Variants in DMC1 observed in about 807,000 individuals in gnomAD.
The protein encoded by DMC1 is DNA meiotic recombinase 1, also known as meiotic recombination protein DMC1 homolog.
In DMC1, 27 loss-of-function variants were observed where a neutral mutation model predicts 50.1. The observed-to-expected ratio is 0.54, with a 90% CI of 0.40 to 0.74. DMC1 has a LOEUF of 0.74. Ranked by LOEUF, DMC1 falls within the 30% of genes least tolerant of loss-of-function variation. DMC1 has a pLI of 0.00. For synonymous variants in DMC1, 148 were observed against 136.1 expected, an observed-to-expected ratio of 1.09 and a Z score of -0.61; for missense variants, 295 against 420.2, an observed-to-expected ratio of 0.70 and a Z score of 2.60.
At chr22:38,512,440 C>T in the DMC1 span, among the ~76,000 whole-genome samples, 1 of 152,350 alleles carries the variant, frequency 6.6e-6, no homozygotes, top group Middle Eastern at 3.4e-3. Context: ...GTAGTAGCAT[C>T]TCTGGACTGC....
chr22:38,517,719 A>G (rs2089985873), downstream of DMC1, among the ~76,000 whole-genome samples: 1 of 152,268 alleles, frequency 6.6e-6, no homozygotes, highest in Non-Finnish European at 1.5e-5. Flanking sequence ...TTTGCATACG[A>G]AAATAAGCCA....
At chr22:38,513,469 A>G in the DMC1 span, among the ~76,000 whole-genome samples, 1 of 152,268 alleles carries the variant, frequency 6.6e-6, no homozygotes. Context: ...GGTCAGTTGA[A>G]GGAGTCCTGA....
At chr22:38,568,319 G>T in intron 1 of DMC1, 30 bp from the exon 2 acceptor site, 1 of 1,530,798 alleles carries the variant, frequency 6.5e-7, no homozygotes, top group Non-Finnish European at 9.0e-7. Context: ...TATGTAAGAA[G>T]TAGTCCTTTG....
chr22:38,518,407 CCA>C (rs1282698165), downstream of DMC1, among the ~76,000 whole-genome samples: 1 of 152,158 alleles, frequency 6.6e-6, no homozygotes, highest in Non-Finnish European at 1.5e-5. Flanking sequence ...TGTGTAGGAA[CCA>C]CATTTTCCTT....
At chr22:38,514,031 T>A (rs2089959582), downstream of DMC1, among the ~76,000 whole-genome samples, 1 of 152,124 alleles carries the variant, frequency 6.6e-6, no homozygotes, top group Non-Finnish European at 1.5e-5. Flanking sequence ...GGCAGCAAGA[T>A]CGAGTCCTGA....
intron 7 of DMC1, among the ~76,000 whole-genome samples, chr22:38,552,215 G>C (rs1184036944): frequency 2.0e-5 from 3 of 152,128 alleles, no homozygotes; most frequent in Non-Finnish European, 4.4e-5. Context: ...TCAAAGAAAT[G>C]CACAGTAGTG....
chr22:38,534,411 T>A (rs757855632), intron 12 of DMC1, among the ~76,000 whole-genome samples: 1 of 152,096 alleles, frequency 6.6e-6, no homozygotes, highest in Non-Finnish European at 1.5e-5. Flanking sequence ...CACCAAAAAA[T>A]ACATATACAG....
In DMC1 at chr22:38,555,349, C is replaced by T. The variant is rs1269622846; in HGVS notation, c.379+8G>A. On this transcript the variant is annotated splice_region_variant and intron_variant, in intron 6 of 13. Transcript: ENST00000216024. ...TTTCATTTAACAAAATATTAAGGTT[C>T]TACCTACCTCCAAAAGCTTCTGTAA... 6.3e-7 allele frequency: 1 copy of T among 1,596,476 alleles called. No individual in the cohort carries two copies. The highest frequency in any genetic ancestry group is 1.1e-5 in the South Asian group (1 of 90,678).
the DMC1 span, among the ~76,000 whole-genome samples, chr22:38,511,709 C>T: frequency 1.3e-5 from 2 of 152,066 alleles, no homozygotes; most frequent in Non-Finnish European, 2.9e-5. Flanking sequence ...TCAAGCGATC[C>T]TCACGCCTCA....
intron 12 of DMC1, among the ~76,000 whole-genome samples, chr22:38,526,478 G>T (rs529897933): frequency 7.6e-4 from 115 of 152,198 alleles, no homozygotes; most frequent in Middle Eastern, 3.4e-3. Flanking sequence ...AAAGTGCTGG[G>T]ATTACAGGCG....
At position 38,538,195 on chromosome 22, in the gene DMC1, TA is replaced by T. The variant is rs66487664; in HGVS notation, c.775+99del. ...GTATTCTCATAAAGGTAATTTTATT[TA>T]AAAAAAAATCGCTGCCTCCTGACAT... On this transcript the variant is annotated intron_variant, in intron 11 of 13. Transcript: ENST00000216024. The T allele has an allele frequency of 3.5e-3, 3,244 of 926,374 alleles. 62 individuals carry two copies. The African/African-American group carries it at 0.045, about 13-fold the overall frequency. 57.4% of individuals were successfully genotyped at this position (926,374 alleles called of 1,614,324 possible). A position where few individuals can be genotyped will look rare whatever the true frequency, so the allele number is the denominator to read the frequency against.
rs192208365 is a variant in DMC1 at position 38,568,694 on chromosome 22, A to G, written c.-33-405T>C. ...ACAACAATACTCTAGGAACCTTGAC[A>G]TTATATCATTCTTCCTTGTGTCCTC... On this transcript the variant is annotated intron_variant, in intron 1 of 13. Coordinates refer to ENST00000216024, the MANE Select transcript of DMC1 (RefSeq NM_007068.4). Among the ~76,000 whole-genome samples the G allele has an allele frequency of 5.9e-5, 9 of 152,258 alleles. No homozygotes were observed. The East Asian group carries it at 1.7e-3, about 29-fold the overall frequency.
At chr22:38,540,034 T>A (rs982545583) in intron 8 of DMC1, among the ~76,000 whole-genome samples, 1 of 152,190 alleles carries the variant, frequency 6.6e-6, no homozygotes, top group African/African-American at 2.4e-5. Context: ...AAGAGAAATA[T>A]CGACCAAAGG....
intron 7 of DMC1, among the ~76,000 whole-genome samples, chr22:38,550,362 G>A: frequency 7.4e-6 from 1 of 135,454 alleles, no homozygotes. Flanking sequence ...TCGTCAGGTT[G>A]GAGTGCAGTG....
chr22:38,544,668 C>CA (rs983859130), intron 8 of DMC1, among the ~76,000 whole-genome samples: 3 of 151,858 alleles, frequency 2.0e-5, no homozygotes, highest in African/African-American at 7.3e-5. Context: ...GCTCTGTCCC[C>CA]AGGCTGGAGT....
chr22:38,512,985 G>A, the DMC1 span, among the ~76,000 whole-genome samples: 1 of 152,032 alleles, frequency 6.6e-6, no homozygotes, highest in South Asian at 2.1e-4. Context: ...TCGGGAGGCT[G>A]AGACAGGAGA....
chr22:38,560,028 T>A (rs531842565), intron 5 of DMC1, among the ~76,000 whole-genome samples: 53 of 150,066 alleles, frequency 3.5e-4, no homozygotes, highest in East Asian at 2.3e-3. Flanking sequence ...AAAAAAAAAA[T>A]AAATAAATAA....
At chr22:38,528,947 G>A (rs1274455917) in intron 12 of DMC1, among the ~76,000 whole-genome samples, 3 of 152,114 alleles carry the variant, frequency 2.0e-5, no homozygotes, top group South Asian at 4.1e-4. Flanking sequence ...TTGAGGTGAA[G>A]TACAAGAAGG....
downstream of DMC1, among the ~76,000 whole-genome samples, chr22:38,513,961 T>C (rs1313448356): frequency 6.6e-6 from 1 of 152,194 alleles, no homozygotes; most frequent in Non-Finnish European, 1.5e-5. Context: ...TTGGCTACTG[T>C]GTGGGGAAGG....
Sources: allele counts gnomAD v4.1 joint callset (sites outside exome capture counted in the v4.1 genomes callset), GRCh38; gene constraint gnomAD v4.1.1; transcripts MANE v1.5; gene names NCBI Gene and HGNC (gene_info 2026-07-23, HGNC 2026-07-21).